The following PALM2AKAP2 variants were observed in gnomAD, a reference collection of about 807,000 sequenced individuals.
The protein encoded by PALM2AKAP2 is PALM2-AKAP2 fusion protein.
In PALM2AKAP2, 37 loss-of-function variants were observed where a neutral mutation model predicts 71.5. That is an observed-to-expected ratio of 0.52 (90% CI 0.40 to 0.68). PALM2AKAP2 has a LOEUF of 0.68. Ranked by LOEUF, PALM2AKAP2 falls within the 30% of genes least tolerant of loss-of-function variation. PALM2AKAP2 has a pLI of 0.00. For synonymous variants in PALM2AKAP2, 468 were observed against 478.8 expected (o/e 0.98, Z 0.29); for missense variants, 1,224 against 1,191.8 (o/e 1.03, Z -0.40).
intron 3 of PALM2AKAP2, among the ~76,000 whole-genome samples, chr9:109,894,006 G>T (rs995552434): frequency 1.4e-5 from 2 of 140,380 alleles, no homozygotes; most frequent in African/African-American, 5.4e-5. Context: ...TCACTTTTCT[G>T]CTTTCCAGTT....
chr9:109,830,370 G>A (rs1256294047), intron 1 of PALM2AKAP2, among the ~76,000 whole-genome samples: 2 of 152,178 alleles, frequency 1.3e-5, no homozygotes, highest in Admixed American at 6.5e-5. Flanking sequence ...GTGCCTAGGG[G>A]TTGAGAGCAG....
chr9:110,073,879 T>C (rs1834263902), intron 1 of PALM2AKAP2, among the ~76,000 whole-genome samples: 1 of 152,158 alleles, frequency 6.6e-6, no homozygotes. Context: ...TTAATGATTA[T>C]ATTGTCCCAC....
chr9:109,716,227 C>A (rs1828317176), intron 1 of PALM2AKAP2, among the ~76,000 whole-genome samples: 1 of 152,176 alleles, frequency 6.6e-6, no homozygotes, highest in Non-Finnish European at 1.5e-5. Context: ...CCAAGAAAAT[C>A]TTAATATCTC....
rs768562079 is a variant in PALM2AKAP2, at chr9:110,123,798, G to A, written c.157-12329G>A. Among the ~76,000 whole-genome samples, 3 of 152,122 alleles carry A rather than the reference G, an allele frequency of 2.0e-5. No homozygotes were observed. In the East Asian group the frequency reaches 5.8e-4, roughly 29 times the overall value. On this transcript the variant is annotated intron_variant, in intron 1 of 3. Coordinates refer to ENST00000374525, the Ensembl canonical transcript of PALM2AKAP2. ...CAGGTGTGGTAATGGAGTGGGTCCC[G>A]GGTGCCCCTCTTGCATCGCTGGTCG...
chr9:109,651,753 C>T (rs774770859), intron 1 of PALM2AKAP2, among the ~76,000 whole-genome samples: 1 of 152,194 alleles, frequency 6.6e-6, no homozygotes, highest in African/African-American at 2.4e-5. Flanking sequence ...TGCTCATTTA[C>T]TTCCCACTGA....
At chr9:109,669,294 A>G (rs925374375) in intron 1 of PALM2AKAP2, among the ~76,000 whole-genome samples, 1 of 151,102 alleles carries the variant, frequency 6.6e-6, no homozygotes, top group African/African-American at 2.4e-5. Flanking sequence ...TACATGTTAC[A>G]TTTGTCATAT....
intron 7 of PALM2AKAP2, among the ~76,000 whole-genome samples, chr9:110,035,545 G>A (rs922725976): frequency 1.1e-4 from 16 of 143,494 alleles, no homozygotes; most frequent in Non-Finnish European, 2.0e-4. Context: ...GATATGTTGT[G>A]TGTTATATAT....
intron 1 of PALM2AKAP2, among the ~76,000 whole-genome samples, chr9:109,659,426 T>C (rs1315459298): frequency 6.9e-6 from 1 of 144,090 alleles, no homozygotes; most frequent in African/African-American, 2.5e-5. Flanking sequence ...CAATACCCTA[T>C]CTTTCCAGCC....
At chr9:109,643,179 A>G (rs1479069291) in intron 1 of PALM2AKAP2, among the ~76,000 whole-genome samples, 1 of 152,194 alleles carries the variant, frequency 6.6e-6, no homozygotes, top group Non-Finnish European at 1.5e-5. Context: ...AATTCCCAAG[A>G]TACCACTGTT....
chr9:109,713,622 G>A lies in PALM2AKAP2; in HGVS notation c.6-66866G>A, dbSNP rs531744413. 8.8e-4 allele frequency among the ~76,000 whole-genome samples: 134 copies of A among 152,168 alleles called. 1 individual carries two copies. The highest frequency in any genetic ancestry group is 3.4e-3 in the Middle Eastern group (1 of 294). ...CAAATGAGTTTCCAAGCAAATCAAA[G>A]TCTATTTCAAAAATCTCATTAGCAA... On this transcript the variant is annotated intron_variant, in intron 1 of 6. Coordinates refer to the PALM2AKAP2 transcript ENST00000374531.
chr9:109,664,522 T>A (rs535263760), intron 1 of PALM2AKAP2, among the ~76,000 whole-genome samples: 2 of 152,342 alleles, frequency 1.3e-5, no homozygotes, highest in African/African-American at 2.4e-5. Context: ...TGGTCCCCAC[T>A]CTCTTCTGGC....
intron 1 of PALM2AKAP2, among the ~76,000 whole-genome samples, chr9:109,697,464 A>G (rs2118566979): frequency 6.6e-6 from 1 of 152,326 alleles, no homozygotes; most frequent in African/African-American, 2.4e-5. Context: ...CCTTTTAAAT[A>G]TTCTACTATG....
At chr9:110,103,503 C>G (rs913727335) in intron 1 of PALM2AKAP2, among the ~76,000 whole-genome samples, 1 of 152,156 alleles carries the variant, frequency 6.6e-6, no homozygotes, top group Non-Finnish European at 1.5e-5. Flanking sequence ...ACTTTTAGGC[C>G]ATTCTTAGTG....
intron 1 of PALM2AKAP2, among the ~76,000 whole-genome samples, chr9:109,818,814 T>C (rs1827916127): frequency 1.3e-5 from 2 of 152,192 alleles, no homozygotes; most frequent in Admixed American, 1.3e-4. Flanking sequence ...ACAGGCCTGG[T>C]AATATCATTA....
intron 1 of PALM2AKAP2, among the ~76,000 whole-genome samples, chr9:109,712,873 C>T (rs1828262501): frequency 6.6e-6 from 1 of 152,174 alleles, no homozygotes; most frequent in African/African-American, 2.4e-5. Flanking sequence ...CATGATAACA[C>T]AAGAAAAGTA....
intron 1 of PALM2AKAP2, among the ~76,000 whole-genome samples, chr9:109,839,117 A>T (rs1457211195): frequency 6.6e-6 from 1 of 152,224 alleles, no homozygotes; most frequent in Non-Finnish European, 1.5e-5. Flanking sequence ...CCTGATGAAC[A>T]TCGATGCAAA....
At chr9:110,104,475 C>T (rs1835070426) in intron 1 of PALM2AKAP2, among the ~76,000 whole-genome samples, 1 of 152,284 alleles carries the variant, frequency 6.6e-6, no homozygotes, top group Middle Eastern at 3.4e-3. Context: ...TAAGCATTAG[C>T]ACCCTGGAGA....
intron 3 of PALM2AKAP2, among the ~76,000 whole-genome samples, chr9:109,884,993 G>A (rs1829933464): frequency 6.6e-6 from 1 of 152,200 alleles, no homozygotes; most frequent in Admixed American, 6.5e-5. Flanking sequence ...TCTAGGCCAT[G>A]TCTTAATTCT....
chr9:109,890,724 C>T (rs1180550066), intron 3 of PALM2AKAP2, among the ~76,000 whole-genome samples: 1 of 152,172 alleles, frequency 6.6e-6, no homozygotes, highest in Non-Finnish European at 1.5e-5. Context: ...CTCTTTTTAG[C>T]ATACTTGGAG....
Sources: gnomAD v4.1 joint callset for allele counts (sites outside exome capture counted in the v4.1 genomes callset) on GRCh38, gnomAD v4.1.1 for gene constraint, MANE v1.5 for transcripts, NCBI Gene and HGNC (gene_info 2026-07-23, HGNC 2026-07-21) for gene names.